RALGPS2: variants seen among roughly 807,000 people sequenced by gnomAD.
RALGPS2 encodes the protein ras-specific guanine nucleotide-releasing factor RalGPS2.
Under a neutral mutation model 86.8 loss-of-function variants are expected in RALGPS2, and 43 were observed. The ratio of observed to expected loss-of-function variants is 0.50; its 90% CI spans 0.39 to 0.64. The LOEUF (loss-of-function observed/expected upper bound fraction) is 0.64. RALGPS2 is among the 30% of genes least tolerant of loss of function. RALGPS2 has a pLI of 0.00. For synonymous variants in RALGPS2, 243 were observed against 231.3 expected (o/e 1.05, Z -0.46); for missense variants, 536 against 694.6 (o/e 0.77, Z 2.57).
At chr1:178,726,971 A>G (rs2101992799) in intron 1 of RALGPS2, among the ~76,000 whole-genome samples, 1 of 152,362 alleles carries the variant, frequency 6.6e-6, no homozygotes, top group East Asian at 1.9e-4. Flanking sequence ...TAGAATTATG[A>G]GGAAACTTCC....
At chr1:178,865,553 G>A (rs1432102601) in intron 8 of RALGPS2, 1 of 1,613,910 alleles carries the variant, frequency 6.2e-7, no homozygotes, top group Non-Finnish European at 8.5e-7. Context: ...GTCTTTAATG[G>A]TACTTGCATC....
chr1:178,906,682 T>A (rs1379548069), intron 18 of RALGPS2, 94 bp from the exon 19 acceptor site: 1 of 910,356 alleles, frequency 1.1e-6, no homozygotes, highest in Non-Finnish European at 1.7e-6. Flanking sequence ...CTGAAAACTC[T>A]AGTCATGTTT....
At chr1:178,913,058 G>C (rs1275176484) in intron 19 of RALGPS2, among the ~76,000 whole-genome samples, 1 of 152,132 alleles carries the variant, frequency 6.6e-6, no homozygotes, top group Non-Finnish European at 1.5e-5. Context: ...AAGGCAGGCA[G>C]ATCACTTGAG....
chr1:178,751,134 A>AC (rs1289379816), intron 1 of RALGPS2, among the ~76,000 whole-genome samples: 1 of 151,808 alleles, frequency 6.6e-6, no homozygotes, highest in Non-Finnish European at 1.5e-5. Context: ...AGACACACAC[A>AC]CCCTATGTCC....
At chr1:178,851,207 A>G (rs777764539) in intron 8 of RALGPS2, 7 of 1,613,866 alleles carry the variant, frequency 4.3e-6, no homozygotes, top group African/African-American at 2.7e-5. Flanking sequence ...AGAAAATTCC[A>G]TCTTGGTGCT....
intron 8 of RALGPS2, among the ~76,000 whole-genome samples, chr1:178,834,594 C>T (rs1422893931): frequency 6.6e-6 from 1 of 152,128 alleles, no homozygotes; most frequent in Non-Finnish European, 1.5e-5. Flanking sequence ...AGGCAGAATA[C>T]CCCTAAGCAC....
intron 8 of RALGPS2, among the ~76,000 whole-genome samples, chr1:178,856,135 C>T (rs1174483335): frequency 6.9e-6 from 1 of 144,174 alleles, no homozygotes; most frequent in Non-Finnish European, 1.5e-5. Context: ...AATTTCTGTA[C>T]TATAAGGAGA....
At chr1:178,841,078 G>T (rs1263696900) in intron 8 of RALGPS2, among the ~76,000 whole-genome samples, 2 of 152,190 alleles carry the variant, frequency 1.3e-5, no homozygotes, top group East Asian at 1.9e-4. Flanking sequence ...GGTACAAGGA[G>T]TTGCTGGTAC....
At chr1:178,746,722 A>G in intron 1 of RALGPS2, 1 of 778,820 alleles carries the variant, frequency 1.3e-6, no homozygotes, top group Non-Finnish European at 2.4e-6. Flanking sequence ...TTTTTCGTTC[A>G]TTCTCATTTA....
At chr1:178,817,595 A>G (rs1018631601) in intron 6 of RALGPS2, among the ~76,000 whole-genome samples, 1 of 152,044 alleles carries the variant, frequency 6.6e-6, no homozygotes, top group Non-Finnish European at 1.5e-5. Flanking sequence ...TGTCTTGGCT[A>G]TGCTATCTCC....
intron 4 of RALGPS2, among the ~76,000 whole-genome samples, chr1:178,790,262 A>T (rs751588502): frequency 6.6e-5 from 10 of 152,078 alleles, no homozygotes; most frequent in Non-Finnish European, 1.5e-4. Flanking sequence ...ATATATTCTT[A>T]ATGTATTAGT....
In RALGPS2 at chr1:178,725,316, G is replaced by C. The variant is rs1005582442; in HGVS notation, c.-187G>C. On this transcript the variant is annotated 5_prime_UTR_variant, in exon 1 of 20. Coordinates refer to ENST00000367635, the MANE Select transcript of RALGPS2 (RefSeq NM_152663.5). ...GGGCGCTGAATGAGAGACGGTGACT[G>C]TTCGGGTCGACGAGTGCTACTCTAG... is the stretch of plus-strand genomic sequence containing the variant. 16 of 167,022 alleles carry C rather than the reference G, an allele frequency of 9.6e-5. No individual in the cohort carries two copies. Among genetic ancestry groups the C allele is most frequent in the African/African-American group, 3.6e-4 (15 of 41,246 alleles). The allele number at this position is 167,022 out of a possible 1,614,324, so 10.3% of individuals were successfully genotyped here.
chr1:178,913,010 G>T (rs1200034850), intron 19 of RALGPS2, among the ~76,000 whole-genome samples: 5 of 152,098 alleles, frequency 3.3e-5, no homozygotes, highest in African/African-American at 9.7e-5. Context: ...GGCTGGGAGT[G>T]GTGGCTCTCA....
At chr1:178,788,807 T>A (rs1653796325) in intron 4 of RALGPS2, among the ~76,000 whole-genome samples, 1 of 145,578 alleles carries the variant, frequency 6.9e-6, no homozygotes, top group Admixed American at 6.9e-5. Flanking sequence ...TTTCTTTCTT[T>A]CTTTTCTTTT....
chr1:178,779,389 T>G (rs1653268666), intron 2 of RALGPS2, among the ~76,000 whole-genome samples: 1 of 152,228 alleles, frequency 6.6e-6, no homozygotes, highest in Non-Finnish European at 1.5e-5. Flanking sequence ...AGAATAATGT[T>G]TATGACCCTT....
intron 6 of RALGPS2, among the ~76,000 whole-genome samples, chr1:178,814,013 C>T (rs917383973): frequency 6.6e-6 from 1 of 152,164 alleles, no homozygotes; most frequent in Non-Finnish European, 1.5e-5. Context: ...AATGTGGATA[C>T]CCATGCACCC....
intron 8 of RALGPS2, among the ~76,000 whole-genome samples, chr1:178,862,626 TTTATTTGG>T (rs1419687599): frequency 8.0e-5 from 12 of 149,696 alleles, no homozygotes; most frequent in African/African-American, 2.0e-4. Flanking sequence ...TATTTATTTA[TTTATTTGG>T]TTGGTTGGTT....
At chr1:178,896,773 C>T (rs1286382176) in intron 16 of RALGPS2, among the ~76,000 whole-genome samples, 1 of 148,110 alleles carries the variant, frequency 6.8e-6, no homozygotes, top group Non-Finnish European at 1.5e-5. Flanking sequence ...CATCCATGTC[C>T]CTACAAAGGA....
At chr1:178,767,418 T>G (rs1200232047) in intron 1 of RALGPS2, among the ~76,000 whole-genome samples, 2 of 150,698 alleles carry the variant, frequency 1.3e-5, no homozygotes, top group Non-Finnish European at 2.9e-5. Flanking sequence ...GAGGTTTGAT[T>G]ATGGTATAAG....
Sources: allele counts gnomAD v4.1 joint callset (sites outside exome capture counted in the v4.1 genomes callset), GRCh38; gene constraint gnomAD v4.1.1; transcripts MANE v1.5; gene names NCBI Gene and HGNC (gene_info 2026-07-23, HGNC 2026-07-21).